HSD17B11: variants seen among roughly 807,000 people sequenced by gnomAD.
The protein encoded by HSD17B11 is estradiol 17-beta-dehydrogenase 11.
Under a neutral mutation model 27.8 loss-of-function variants are expected in HSD17B11, and 22 were observed. The observed-to-expected ratio is 0.79, with a 90% CI of 0.56 to 1.13. The LOEUF is 1.13. Among genes scored for constraint, HSD17B11 ranks in the 50% most tolerant of loss-of-function variants. HSD17B11 has a pLI of 0.00. For missense variants in HSD17B11, 314 were observed against 351.1 expected, an observed-to-expected ratio of 0.89 and a Z score of 0.84; for synonymous variants, 117 against 132.8, an observed-to-expected ratio of 0.88 and a Z score of 0.82.
intron 4 of HSD17B11, among the ~76,000 whole-genome samples, chr4:87,359,674 A>G (rs4438729): frequency 0.52 from 79,720 of 151,986 alleles, 21,206 homozygotes; most frequent in Non-Finnish European, 0.58. Flanking sequence ...TATTCTAAAT[A>G]ATTATTTTGT....
intron 5 of HSD17B11, among the ~76,000 whole-genome samples, chr4:87,344,178 C>A (rs1735224328): frequency 6.6e-6 from 1 of 152,142 alleles, no homozygotes; most frequent in Non-Finnish European, 1.5e-5. Flanking sequence ...TATATAACAT[C>A]TTTTTATGGT....
chr4:87,378,972 TTTTG>T, intron 2 of HSD17B11, among the ~76,000 whole-genome samples: 1 of 100,184 alleles, frequency 1.0e-5, no homozygotes, highest in African/African-American at 3.7e-5. Flanking sequence ...TTTTTTTTTT[TTTTG>T]AGATGGTGTC....
chr4:87,374,748 T>C lies in HSD17B11; in HGVS notation c.401A>G (p.Asp134Gly). Reference sequence around the variant, plus strand: ...TTCAAAAGTCTTTTCAATCTGAGGATCTTGTGTAGCAAACAAATCTGATGT... The same window carrying C: ...TTCAAAAGTCTTTTCAATCTGAGGACCTTGTGTAGCAAACAAATCTGATGT... ...VYTSDLFATQ[D>G]PQIEKTFEVN... Residue 134 changes from aspartate (D) to glycine (G), a missense_variant, in exon 3 of 7, where the codon GAT becomes GGT. By Grantham distance (94) the Asp-to-Gly change is moderately conservative (BLOSUM62 -1). Transcript: ENST00000358290. 1 of 1,610,192 alleles carries C rather than the reference T, an allele frequency of 6.2e-7. No homozygotes were observed. The highest frequency in any genetic ancestry group is 8.5e-7 in the Non-Finnish European group (1 of 1,178,682).
intron 2 of HSD17B11, among the ~76,000 whole-genome samples, chr4:87,381,186 CAAAAAAAAAA>C (rs58998729): frequency 5.2e-5 from 6 of 114,304 alleles, no homozygotes; most frequent in Admixed American, 1.8e-4. Flanking sequence ...GACTCCATTT[CAAAAAAAAAA>C]AAAAAAAAAA....
intron 6 of HSD17B11, among the ~76,000 whole-genome samples, chr4:87,338,758 A>T (rs796469387): frequency 3.3e-5 from 5 of 152,194 alleles, no homozygotes; most frequent in African/African-American, 1.2e-4. Context: ...GCTTGTCTTG[A>T]ACTCTTGACC....
chr4:87,343,380 A>C (rs1300777761), intron 5 of HSD17B11, among the ~76,000 whole-genome samples: 1 of 152,122 alleles, frequency 6.6e-6, no homozygotes, highest in Non-Finnish European at 1.5e-5. Flanking sequence ...ATTTTGTAGA[A>C]ACTATCCAAA....
At chr4:87,386,962 A>ATCCC in intron 1 of HSD17B11, 1 of 152,230 alleles carries the variant, frequency 6.6e-6, no homozygotes, top group Non-Finnish European at 1.5e-5. Flanking sequence ...ACAGCACCAG[A>ATCCC]GCTCTGACCT....
At chr4:87,342,480 G>T (rs920358490) in intron 5 of HSD17B11, among the ~76,000 whole-genome samples, 2 of 152,092 alleles carry the variant, frequency 1.3e-5, no homozygotes, top group Admixed American at 1.3e-4. Flanking sequence ...GGTTAGGCGG[G>T]AGGATCACTT....
intron 5 of HSD17B11, among the ~76,000 whole-genome samples, chr4:87,346,356 AT>A (rs1286792031): frequency 6.6e-6 from 1 of 152,216 alleles, no homozygotes; most frequent in Non-Finnish European, 1.5e-5. Flanking sequence ...TTTATTAAAT[AT>A]AAAAGGATGG....
chr4:87,364,392 G>T (rs759260643), intron 4 of HSD17B11, among the ~76,000 whole-genome samples: 3 of 152,094 alleles, frequency 2.0e-5, no homozygotes, highest in Admixed American at 6.5e-5. Flanking sequence ...GTTATCTGAC[G>T]GTTTTGAGTT....
chr4:87,357,451 T>G, intron 4 of HSD17B11, 35 bp from the exon 5 acceptor site: 1 of 1,591,296 alleles, frequency 6.3e-7, no homozygotes, highest in Non-Finnish European at 8.6e-7. Context: ...AATTCAAGAA[T>G]TCTGAAATGT....
chr4:87,374,733 T>C lies in HSD17B11; in HGVS notation c.416A>G (p.Lys139Arg). The stretch of plus-strand genomic sequence containing the variant: ...TGCAAGTACATTAACTTCAAAAGTC[T>C]TTTCAATCTGAGGATCTTGTGTAGC... The part of the protein sequence containing the change: ...LFATQDPQIE[K>R]TFEVNVLAHF... Residue 139 changes from lysine (K) to arginine (R), a missense_variant, in exon 3 of 7, where the codon AAG becomes AGG. Transcript: ENST00000358290. 10 of 1,608,306 alleles carry C rather than the reference T, an allele frequency of 6.2e-6. No homozygotes were observed. The highest frequency in any genetic ancestry group is 8.5e-6 in the Non-Finnish European group (10 of 1,178,626).
chr4:87,373,790 T>A (rs1465986627), intron 3 of HSD17B11, among the ~76,000 whole-genome samples: 1 of 147,124 alleles, frequency 6.8e-6, no homozygotes, highest in Non-Finnish European at 1.5e-5. Flanking sequence ...CTTGGGAATA[T>A]TAGCATAAAA....
intron 1 of HSD17B11, among the ~76,000 whole-genome samples, chr4:87,383,393 A>G (rs1050381093): frequency 3.9e-5 from 6 of 152,194 alleles, no homozygotes; most frequent in African/African-American, 1.4e-4. Flanking sequence ...AGAGGCAGTT[A>G]CAGTGATTCA....
intron 4 of HSD17B11, among the ~76,000 whole-genome samples, chr4:87,370,045 AT>A (rs34109910): frequency 6.6e-6 from 1 of 152,106 alleles, no homozygotes; most frequent in East Asian, 1.9e-4. Context: ...AGAAATTAAA[AT>A]TTTTTTCCTA....
chr4:87,347,109 T>TCAGCAATAAGCA (rs1394508466), intron 5 of HSD17B11, among the ~76,000 whole-genome samples: 8 of 71,546 alleles, frequency 1.1e-4, no homozygotes, highest in African/African-American at 8.2e-4. Context: ...CTGGATTTTT[T>TCAGCAATAAGCA]TTTTTTCTTT....
intron 5 of HSD17B11, among the ~76,000 whole-genome samples, chr4:87,356,697 AAG>A (rs1291488022): frequency 6.6e-6 from 1 of 152,256 alleles, no homozygotes; most frequent in African/African-American, 2.4e-5. Flanking sequence ...GCTATTTCTA[AAG>A]AGAGAAAACA....
intron 1 of HSD17B11, among the ~76,000 whole-genome samples, chr4:87,387,719 C>G (rs1720356724): frequency 1.3e-5 from 2 of 152,130 alleles, no homozygotes; most frequent in Admixed American, 1.3e-4. Context: ...ATTTCATTAA[C>G]AAATATATTT....
In HSD17B11 at chr4:87,358,971, T is replaced by C. The variant is rs533892418; in HGVS notation, c.558-1555A>G. Among the ~76,000 whole-genome samples, 172 of 152,292 alleles carry C rather than the reference T, an allele frequency of 1.1e-3. 2 individuals carry two copies. The South Asian group carries it at 0.027, about 24-fold the overall frequency. ...ATCGTGGGGGCAGTTTTCCCCATGC[T>C]GTTCTCGTGATAGTGGGGGAGTTCT... is the stretch of plus-strand genomic sequence containing the variant. On this transcript the variant is annotated intron_variant, in intron 4 of 6. Coordinates refer to ENST00000358290, the MANE Select transcript of HSD17B11 (RefSeq NM_016245.5).
Sources: allele counts gnomAD v4.1 joint callset (sites outside exome capture counted in the v4.1 genomes callset), GRCh38; gene constraint gnomAD v4.1.1; transcripts MANE v1.5; gene names NCBI Gene and HGNC (gene_info 2026-07-23, HGNC 2026-07-21).